The following SCAPER variants were observed in gnomAD, a reference collection of about 807,000 sequenced individuals.
SCAPER encodes S-phase cyclin A associated protein in the ER, also known as S phase cyclin A-associated protein in the endoplasmic reticulum.
Under a neutral mutation model 182.2 loss-of-function variants are expected in SCAPER, and 98 were observed. The ratio of observed to expected loss-of-function variants is 0.54; its 90% CI spans 0.46 to 0.64. SCAPER has a LOEUF of 0.64. Among genes scored for constraint, SCAPER ranks in the 30% least tolerant of loss-of-function variants. The probability of loss-of-function intolerance (pLI) is 0.00; values close to 1 mark genes in which losing one functional copy is unlikely to be tolerated. For synonymous variants in SCAPER, 605 were observed against 564.6 expected (o/e 1.07, Z -1.01); for missense variants, 1,432 against 1,690.0 (o/e 0.85, Z 2.68).
At chr15:76,832,163 C>T (rs1467456099) in intron 5 of SCAPER, among the ~76,000 whole-genome samples, 2 of 152,284 alleles carry the variant, frequency 1.3e-5, no homozygotes, top group South Asian at 2.1e-4. Flanking sequence ...GAAAGACCTA[C>T]AACTCAGAAT....
At chr15:76,490,732 T>C (rs566598946) in intron 24 of SCAPER, among the ~76,000 whole-genome samples, 26 of 152,336 alleles carry the variant, frequency 1.7e-4, no homozygotes, top group African/African-American at 6.0e-4. Flanking sequence ...TATAAGGGTC[T>C]TCCCCTAAGT....
At chr15:76,604,346 A>T (rs2050171041) in intron 22 of SCAPER, among the ~76,000 whole-genome samples, 1 of 119,922 alleles carries the variant, frequency 8.3e-6, no homozygotes, top group African/African-American at 2.5e-5. Context: ...GATATGCGGC[A>T]TTATTTCTGA....
intron 8 of SCAPER, among the ~76,000 whole-genome samples, chr15:76,785,648 C>T (rs2064530556): frequency 6.6e-6 from 1 of 152,096 alleles, no homozygotes; most frequent in South Asian, 2.1e-4. Flanking sequence ...CAATGATAGA[C>T]TGGATTAAGA....
At chr15:76,364,303 T>A (rs933529949) in intron 29 of SCAPER, among the ~76,000 whole-genome samples, 1 of 151,830 alleles carries the variant, frequency 6.6e-6, no homozygotes, top group Non-Finnish European at 1.5e-5. Flanking sequence ...TTCCCGGTGG[T>A]CCCAGGGATC....
Position 76,549,341 on chromosome 15 carries a change from A to G in SCAPER, c.2838+24817T>C, listed in dbSNP as rs542714651. Reference sequence around the variant, plus strand: ...ATTGCGGCACTATTCACAACAGCAAAGACTTGGAACCAACCCAAATGTCCA... The same window carrying G: ...ATTGCGGCACTATTCACAACAGCAAGGACTTGGAACCAACCCAAATGTCCA... On this transcript the variant is annotated intron_variant, in intron 23 of 31. Coordinates refer to ENST00000563290, the MANE Select transcript of SCAPER (RefSeq NM_020843.4). Among the ~76,000 whole-genome samples, 166 of 152,346 alleles carry G rather than the reference A, an allele frequency of 1.1e-3. 2 individuals are homozygous for G. The highest frequency in any genetic ancestry group is 3.8e-3 in the African/African-American group (157 of 41,578).
chr15:76,558,156 A>C (rs564038520), intron 23 of SCAPER, among the ~76,000 whole-genome samples: 9 of 152,336 alleles, frequency 5.9e-5, no homozygotes, highest in African/African-American at 2.2e-4. Flanking sequence ...AATGGGATCT[A>C]ATTAAACTAA....
chr15:76,819,339 T>G (rs953648027), intron 5 of SCAPER, among the ~76,000 whole-genome samples: 1 of 152,156 alleles, frequency 6.6e-6, no homozygotes, highest in African/African-American at 2.4e-5. Flanking sequence ...CACCCCCCAG[T>G]AGGGGCAGAC....
At chr15:76,839,215 T>C (rs1399068180) in intron 5 of SCAPER, among the ~76,000 whole-genome samples, 2 of 152,218 alleles carry the variant, frequency 1.3e-5, no homozygotes, top group Non-Finnish European at 2.9e-5. Flanking sequence ...GAATTACATA[T>C]ATGTGTTATT....
At chr15:76,781,988 C>A (rs1172463572) in intron 8 of SCAPER, among the ~76,000 whole-genome samples, 2 of 152,054 alleles carry the variant, frequency 1.3e-5, no homozygotes, top group African/African-American at 4.8e-5. Context: ...AATTCACGGG[C>A]AAAATAACCA....
chr15:76,466,482 T>G (rs1470694166), intron 25 of SCAPER, among the ~76,000 whole-genome samples: 1 of 146,280 alleles, frequency 6.8e-6, no homozygotes, highest in Non-Finnish European at 1.5e-5. Context: ...ATTTTGCTCA[T>G]GCATTGTTAC....
chr15:76,723,748 C>T (rs2060409308), intron 17 of SCAPER, among the ~76,000 whole-genome samples: 1 of 152,160 alleles, frequency 6.6e-6, no homozygotes, highest in African/African-American at 2.4e-5. Flanking sequence ...GATTGCAACC[C>T]CTGCCTTTTA....
At chr15:76,887,822 T>C (rs1391152304) in intron 1 of SCAPER, among the ~76,000 whole-genome samples, 1 of 152,234 alleles carries the variant, frequency 6.6e-6, no homozygotes, top group Non-Finnish European at 1.5e-5. Flanking sequence ...GCATGGCGTT[T>C]GACCTCTGAG....
intron 17 of SCAPER, among the ~76,000 whole-genome samples, chr15:76,727,143 T>C (rs1264627386): frequency 6.6e-6 from 1 of 152,044 alleles, no homozygotes; most frequent in Non-Finnish European, 1.5e-5. Flanking sequence ...GAAAAACATT[T>C]AGTAGCATGC....
intron 17 of SCAPER, among the ~76,000 whole-genome samples, chr15:76,712,004 T>G (rs953784611): frequency 2.9e-4 from 44 of 152,304 alleles, no homozygotes; most frequent in Non-Finnish European, 5.3e-4. Context: ...AGACATGAAG[T>G]CCTTGCCCAT....
At chr15:76,576,002 A>G (rs966990498) in intron 22 of SCAPER, among the ~76,000 whole-genome samples, 1 of 152,250 alleles carries the variant, frequency 6.6e-6, no homozygotes, top group African/African-American at 2.4e-5. Flanking sequence ...CTTTTACATA[A>G]GTACACTCAT....
At chr15:76,562,781 C>T (rs1422016941) in intron 23 of SCAPER, among the ~76,000 whole-genome samples, 1 of 152,038 alleles carries the variant, frequency 6.6e-6, no homozygotes, top group Non-Finnish European at 1.5e-5. Context: ...GAAATTTTTG[C>T]ACAAATACCA....
At chr15:76,838,502 A>G (rs1445542696) in intron 5 of SCAPER, among the ~76,000 whole-genome samples, 1 of 152,160 alleles carries the variant, frequency 6.6e-6, no homozygotes, top group Non-Finnish European at 1.5e-5. Context: ...CACATAGATC[A>G]TTAGATATAC....
intron 25 of SCAPER, among the ~76,000 whole-genome samples, chr15:76,441,498 A>G (rs1175404012): frequency 1.3e-5 from 2 of 152,170 alleles, no homozygotes; most frequent in East Asian, 1.9e-4. Context: ...TAAAAGCTCC[A>G]AACCTCATGA....
At chr15:76,511,154 A>G (rs1886616154) in intron 23 of SCAPER, among the ~76,000 whole-genome samples, 1 of 152,180 alleles carries the variant, frequency 6.6e-6, no homozygotes, top group Non-Finnish European at 1.5e-5. Context: ...GGTTCAGTGT[A>G]TACTGCTGGG....
Sources: allele counts gnomAD v4.1 joint callset (sites outside exome capture counted in the v4.1 genomes callset), GRCh38; gene constraint gnomAD v4.1.1; transcripts MANE v1.5; gene names NCBI Gene and HGNC (gene_info 2026-07-23, HGNC 2026-07-21).